ZDHHC15: variants seen among roughly 807,000 people sequenced by gnomAD.
ZDHHC15 encodes zDHHC palmitoyltransferase 15.
A neutral mutation model predicts 31.7 loss-of-function variants in ZDHHC15; 19 were observed. That is an observed-to-expected ratio of 0.60 (90% CI 0.42 to 0.88). ZDHHC15 has a LOEUF of 0.88. ZDHHC15 is among the 40% of genes least tolerant of loss of function. ZDHHC15 has a pLI of 0.00. For synonymous variants in ZDHHC15, 103 were observed against 90.0 expected, an observed-to-expected ratio of 1.14 and a Z score of -0.82; for missense variants, 209 against 251.2, an observed-to-expected ratio of 0.83 and a Z score of 1.14.
intron 3 of ZDHHC15, among the ~76,000 whole-genome samples, chrX:75,469,897 T>G (rs2084476049): frequency 8.9e-6 from 1 of 111,839 alleles, no homozygotes; most frequent in South Asian, 3.7e-4. Context: ...TGTTTTACAG[T>G]TTTTTTTATA....
intron 1 of ZDHHC15, among the ~76,000 whole-genome samples, chrX:75,514,310 G>C (rs1320293769): frequency 8.9e-6 from 1 of 112,251 alleles, no homozygotes; most frequent in African/African-American, 3.2e-5. Flanking sequence ...CTACGTTAAG[G>C]AGTATACAAT....
intron 11 of ZDHHC15, among the ~76,000 whole-genome samples, chrX:75,374,658 AGTGTGT>A (rs760934695): frequency 2.0e-4 from 20 of 100,021 alleles, no homozygotes; most frequent in African/African-American, 4.2e-4. Flanking sequence ...AGTAAATTTT[AGTGTGT>A]GTGTGTGTGT....
intron 10 of ZDHHC15, among the ~76,000 whole-genome samples, chrX:75,414,077 G>A (rs754455928): frequency 1.8e-5 from 2 of 111,751 alleles, no homozygotes; most frequent in Admixed American, 1.9e-4. Flanking sequence ...AGCAAAAGTG[G>A]TAATATAACA....
At chrX:75,375,099 C>A (rs1602531561) in intron 11 of ZDHHC15, among the ~76,000 whole-genome samples, 1 of 111,359 alleles carries the variant, frequency 9.0e-6, no homozygotes, top group East Asian at 2.8e-4. Flanking sequence ...GTGCTAGTTT[C>A]TTTGAATTAA....
chrX:75,488,297 A>T (rs2148001243), intron 2 of ZDHHC15, among the ~76,000 whole-genome samples: 1 of 112,018 alleles, frequency 8.9e-6, no homozygotes, highest in Non-Finnish European at 1.9e-5. Flanking sequence ...ATAAAGAAAA[A>T]CCTAGCAGAT....
chrX:75,455,846 A>AAAAAGTCAG (rs2084211122), intron 3 of ZDHHC15, among the ~76,000 whole-genome samples: 2 of 109,206 alleles, frequency 1.8e-5, no homozygotes, highest in African/African-American at 6.6e-5. Flanking sequence ...TGGCGATCAT[A>AAAAAGTCAG]GAAACAACAG....
intron 7 of ZDHHC15, among the ~76,000 whole-genome samples, chrX:75,426,431 G>A (rs1328151190): frequency 9.2e-6 from 1 of 108,788 alleles, no homozygotes; most frequent in Non-Finnish European, 1.9e-5. Flanking sequence ...CCTTGATAGA[G>A]TTCTTCTTAA....
chrX:75,499,511 C>A (rs1023525969), intron 2 of ZDHHC15, among the ~76,000 whole-genome samples: 2 of 111,514 alleles, frequency 1.8e-5, no homozygotes, highest in Non-Finnish European at 3.8e-5. Flanking sequence ...AAATGGCCAA[C>A]AAACATGAAA....
chrX:75,426,080 C>T (rs923938487), intron 7 of ZDHHC15, among the ~76,000 whole-genome samples: 20 of 111,801 alleles, frequency 1.8e-4, no homozygotes, highest in African/African-American at 6.2e-4. Context: ...TACAAATTCT[C>T]GGCCTAAGCA....
At chrX:75,400,025 G>GA (rs2083339541) in intron 10 of ZDHHC15, among the ~76,000 whole-genome samples, 1 of 111,664 alleles carries the variant, frequency 9.0e-6, no homozygotes, top group African/African-American at 3.3e-5. Flanking sequence ...GCAGAGATGA[G>GA]AAAAAAACCA....
chrX:75,373,926 G>GTTTTTTTTTTTTTTTTTTCTTTTT (rs2083028438), intron 11 of ZDHHC15, among the ~76,000 whole-genome samples: 1 of 50,456 alleles, frequency 2.0e-5, no homozygotes, highest in Non-Finnish European at 3.4e-5. Context: ...CATTCTTTCT[G>GTTTTTTTTTTTTTTTTTTCTTTTT]TTTTTTTTTT....
At chrX:75,457,645 T>A (rs867368657) in intron 3 of ZDHHC15, among the ~76,000 whole-genome samples, 15 of 93,930 alleles carry the variant, frequency 1.6e-4, no homozygotes, top group Non-Finnish European at 1.9e-4. Context: ...TTATTTACAC[T>A]CACACACACA....
chrX:75,447,545 G>T (rs1397561259), intron 4 of ZDHHC15, among the ~76,000 whole-genome samples: 1 of 111,695 alleles, frequency 9.0e-6, no homozygotes, highest in African/African-American at 3.3e-5. Context: ...GTCAGTTACA[G>T]TGCCAATACC....
At chrX:75,387,146 A>T (rs2083188425) in intron 10 of ZDHHC15, among the ~76,000 whole-genome samples, 1 of 112,221 alleles carries the variant, frequency 8.9e-6, no homozygotes, top group African/African-American at 3.2e-5. Flanking sequence ...GAGGAAAAAA[A>T]CTGAAATCCA....
intron 10 of ZDHHC15, among the ~76,000 whole-genome samples, chrX:75,396,046 A>G (rs2083295773): frequency 8.9e-6 from 1 of 112,355 alleles, no homozygotes; most frequent in Non-Finnish European, 1.9e-5. Context: ...AAACTATGAA[A>G]TAAAACTTTT....
chrX:75,472,785 A>G (rs1047820400), intron 3 of ZDHHC15, among the ~76,000 whole-genome samples: 1 of 111,415 alleles, frequency 9.0e-6, no homozygotes, highest in African/African-American at 3.3e-5. Context: ...AGTGATATGG[A>G]CCTCCACTCA....
At chrX:75,429,258 CAT>C in intron 6 of ZDHHC15, 60 bp from the exon 7 acceptor site, 2 of 1,130,967 alleles carry the variant, frequency 1.8e-6, no homozygotes, top group Middle Eastern at 3.3e-4. Flanking sequence ...CACACTGATA[CAT>C]AAGTGAACTA....
At chrX:75,432,217 T>G (rs1161427651) in intron 4 of ZDHHC15, among the ~76,000 whole-genome samples, 1 of 111,627 alleles carries the variant, frequency 9.0e-6, no homozygotes, top group Non-Finnish European at 1.9e-5. Context: ...CCTTCCTTTC[T>G]TCCTTCCTTC....
At chrX:75,452,181 G>A (rs779433314) in intron 3 of ZDHHC15, among the ~76,000 whole-genome samples, 1 of 96,826 alleles carries the variant, frequency 1.0e-5, no homozygotes, top group South Asian at 5.8e-4. Flanking sequence ...AAGGGATGGA[G>A]GAAGATCTAC....
Sources: allele counts gnomAD v4.1 joint callset (sites outside exome capture counted in the v4.1 genomes callset), GRCh38; gene constraint gnomAD v4.1.1; transcripts MANE v1.5; gene names NCBI Gene and HGNC (gene_info 2026-07-23, HGNC 2026-07-21).